Variants in BTAF1 observed in about 807,000 individuals in gnomAD.
BTAF1 encodes B-TFIID TATA-box binding protein associated factor 1, also known as TATA-binding protein-associated factor 172.
In BTAF1, 38 loss-of-function variants were observed where a neutral mutation model predicts 227.1. The ratio of observed to expected loss-of-function variants is 0.17; its 90% CI spans 0.13 to 0.22. The LOEUF is 0.22. BTAF1 is among the 10% of genes least tolerant of loss of function. The pLI, the probability that BTAF1 is intolerant of heterozygous loss-of-function variation, is 1.00. For missense variants in BTAF1, 1,598 were observed against 2,204.0 expected (o/e 0.73, Z 5.51); for synonymous variants, 742 against 751.9 (o/e 0.99, Z 0.21).
At chr10:91,944,166 A>AAG (rs1845207706) in intron 4 of BTAF1, among the ~76,000 whole-genome samples, 1 of 151,524 alleles carries the variant, frequency 6.6e-6, no homozygotes, top group East Asian at 1.9e-4. Context: ...ATAAAAAAAA[A>AAG]AAAGAAAAGT....
At chr10:91,944,460 G>C (rs569180234) in intron 4 of BTAF1, among the ~76,000 whole-genome samples, 1 of 152,190 alleles carries the variant, frequency 6.6e-6, no homozygotes, top group South Asian at 2.1e-4. Flanking sequence ...TAGGCTCTGT[G>C]TAAGTGTATT....
At chr10:91,951,618 C>A in intron 5 of BTAF1, 52 bp downstream of exon 5, 1 of 1,504,330 alleles carries the variant, frequency 6.6e-7, no homozygotes, top group South Asian at 1.3e-5. Flanking sequence ...AAAGGGTTTG[C>A]TTCATTTTGT....
chr10:91,930,818 C>T (rs545660783), intron 1 of BTAF1, among the ~76,000 whole-genome samples: 2 of 152,238 alleles, frequency 1.3e-5, no homozygotes, highest in Non-Finnish European at 2.9e-5. Context: ...ACTTTTGCCA[C>T]GTGTAAAAAA....
At chr10:91,960,293 G>A (rs1846413750) in intron 11 of BTAF1, 139 bp downstream of exon 11, 2 of 838,666 alleles carry the variant, frequency 2.4e-6, no homozygotes, top group Non-Finnish European at 3.5e-6. Flanking sequence ...TCTTGAGAGA[G>A]TGTCATAGAG....
At chr10:92,015,057 G>A (rs1163202722) in intron 32 of BTAF1, among the ~76,000 whole-genome samples, 1 of 152,168 alleles carries the variant, frequency 6.6e-6, no homozygotes, top group Non-Finnish European at 1.5e-5. Context: ...TCAGAGCTGA[G>A]TTTTAAACCT....
intron 22 of BTAF1, 96 bp from the exon 23 acceptor site, chr10:91,994,439 C>G: frequency 1.3e-6 from 1 of 750,522 alleles, no homozygotes; most frequent in East Asian, 2.8e-5. Context: ...GCAAAATTGA[C>G]TCTCCTATGC....
intron 22 of BTAF1, 29 bp downstream of exon 22, chr10:91,993,876 T>C: frequency 6.6e-7 from 1 of 1,507,614 alleles, no homozygotes; most frequent in Non-Finnish European, 9.0e-7. Flanking sequence ...GAGTCCAGTT[T>C]TTAACAAATT....
chr10:91,971,421 T>G (rs1301340957), intron 14 of BTAF1, among the ~76,000 whole-genome samples: 2 of 152,158 alleles, frequency 1.3e-5, no homozygotes, highest in Non-Finnish European at 2.9e-5. Context: ...TTTACTATTT[T>G]TATTGGCTAT....
rs747076256 is a variant in BTAF1 at position 92,011,423 on chromosome 10, TTTATTA to T, written c.4311+14_4311+19del. Reference sequence around the variant, plus strand: ...TCTGGAACACCAATCCAGGTAATTATTTATTATTATTTTTTTTAATTATTTTTATTT... The same window carrying T: ...TCTGGAACACCAATCCAGGTAATTATTTATTTTTTTTAATTATTTTTATTT... On this transcript the variant is annotated intron_variant, in intron 30 of 37. Coordinates refer to ENST00000265990, the MANE Select transcript of BTAF1 (RefSeq NM_003972.3). 8.4e-7 allele frequency: 1 copy of T among 1,192,094 alleles called. No individual in the cohort carries two copies. Among genetic ancestry groups the T allele is most frequent in the Admixed American group, 3.4e-5 (1 of 29,716 alleles). The allele number at this position is 1,192,094 out of a possible 1,614,324, so 73.8% of individuals were successfully genotyped here. A position where few individuals can be genotyped will look rare whatever the true frequency, so the allele number is the denominator to read the frequency against.
At chr10:91,933,093 T>C (rs532444454) in intron 1 of BTAF1, among the ~76,000 whole-genome samples, 1 of 152,164 alleles carries the variant, frequency 6.6e-6, no homozygotes, top group African/African-American at 2.4e-5. Flanking sequence ...ACCACCCCCT[T>C]GAGGAGGGGT....
chr10:91,950,911 C>T (rs1211224738), intron 4 of BTAF1, among the ~76,000 whole-genome samples: 1 of 149,506 alleles, frequency 6.7e-6, no homozygotes, highest in African/African-American at 2.5e-5. Flanking sequence ...CAGCTCACTG[C>T]AGCCTTGACC....
chr10:92,005,620 G>C (rs1026662803), intron 25 of BTAF1, among the ~76,000 whole-genome samples: 2 of 151,886 alleles, frequency 1.3e-5, no homozygotes, highest in African/African-American at 4.8e-5. Flanking sequence ...CACATAGATT[G>C]TTGTGTCAGG....
intron 28 of BTAF1, among the ~76,000 whole-genome samples, chr10:92,010,419 AACTT>A (rs1209832238): frequency 6.6e-6 from 1 of 152,204 alleles, no homozygotes; most frequent in African/African-American, 2.4e-5. Context: ...TTAATTCACT[AACTT>A]GAGAATTTCA....
chr10:91,981,332 T>C (rs1223599415), intron 15 of BTAF1, among the ~76,000 whole-genome samples: 1 of 152,188 alleles, frequency 6.6e-6, no homozygotes, highest in Non-Finnish European at 1.5e-5. Context: ...TCTTATGATA[T>C]ATGCAAAGGA....
At chr10:91,938,206 A>G (rs1397983232) in intron 2 of BTAF1, among the ~76,000 whole-genome samples, 6 of 152,214 alleles carry the variant, frequency 3.9e-5, no homozygotes, top group African/African-American at 1.4e-4. Flanking sequence ...TATACAAGGT[A>G]TCCAAACTAT....
intron 25 of BTAF1, among the ~76,000 whole-genome samples, chr10:91,999,196 A>AT (rs1293731206): frequency 3.9e-5 from 6 of 152,012 alleles, no homozygotes; most frequent in South Asian, 2.1e-4. Flanking sequence ...GGTAAGTTTA[A>AT]TTTTTTTTAT....
intron 1 of BTAF1, among the ~76,000 whole-genome samples, chr10:91,925,755 C>T (rs1484807600): frequency 2.0e-5 from 3 of 152,152 alleles, no homozygotes; most frequent in African/African-American, 7.2e-5. Flanking sequence ...CGTGATCCGC[C>T]GGCCTTGGCC....
chr10:91,967,862 C>A (rs78928087), intron 14 of BTAF1, among the ~76,000 whole-genome samples: 21,006 of 152,026 alleles, frequency 0.14, 1,725 homozygotes, highest in East Asian at 0.22. Flanking sequence ...TCATATCATT[C>A]TTTTTGTATA....
At chr10:91,958,708 A>G (rs1293756850) in intron 8 of BTAF1, among the ~76,000 whole-genome samples, 2 of 152,090 alleles carry the variant, frequency 1.3e-5, no homozygotes, top group East Asian at 1.9e-4. Context: ...ATCTCGAAAA[A>G]CAAACAAACA....
Sources: allele counts gnomAD v4.1 joint callset (sites outside exome capture counted in the v4.1 genomes callset), GRCh38; gene constraint gnomAD v4.1.1; transcripts MANE v1.5; gene names NCBI Gene and HGNC (gene_info 2026-07-23, HGNC 2026-07-21).